Variants in ARFGEF3 observed in about 807,000 individuals in gnomAD.
ARFGEF3 encodes the protein brefeldin A-inhibited guanine nucleotide-exchange protein 3.
A neutral mutation model predicts 221.7 loss-of-function variants in ARFGEF3; 96 were observed. That is an observed-to-expected ratio of 0.43 (90% CI 0.37 to 0.51). The LOEUF is 0.51. Among genes scored for constraint, ARFGEF3 ranks in the 20% least tolerant of loss-of-function variants. ARFGEF3 has a pLI of 0.00. For missense variants in ARFGEF3, 2,410 were observed against 2,789.9 expected, an observed-to-expected ratio of 0.86 and a Z score of 3.07; for synonymous variants, 1,145 against 1,126.8, an observed-to-expected ratio of 1.02 and a Z score of -0.32.
chr6:138,197,766 CT>C (rs1216836461), intron 2 of ARFGEF3, among the ~76,000 whole-genome samples: 4 of 152,176 alleles, frequency 2.6e-5, no homozygotes, highest in Non-Finnish European at 4.4e-5. Flanking sequence ...AGCACGGTGA[CT>C]GGCATGCTGG....
At chr6:138,279,826 G>A (rs1240719235) in intron 13 of ARFGEF3, among the ~76,000 whole-genome samples, 173 bp from the exon 14 acceptor site, 1 of 152,172 alleles carries the variant, frequency 6.6e-6, no homozygotes, top group Non-Finnish European at 1.5e-5. Context: ...GGAAACCTCA[G>A]CACATTTGGG....
intron 2 of ARFGEF3, among the ~76,000 whole-genome samples, chr6:138,191,093 A>G (rs1777295523): frequency 6.6e-6 from 1 of 152,222 alleles, no homozygotes; most frequent in African/African-American, 2.4e-5. Flanking sequence ...TAACTCACTG[A>G]GAAAGTTCCT....
chr6:138,237,247 T>G (rs2114545296), intron 5 of ARFGEF3, among the ~76,000 whole-genome samples: 1 of 152,276 alleles, frequency 6.6e-6, no homozygotes, highest in Admixed American at 6.5e-5. Context: ...ATCATCAAAT[T>G]AAATTTGCCA....
At position 138,191,320 on chromosome 6, in the gene ARFGEF3, A is replaced by T. The variant is rs62432805; in HGVS notation, c.138-15722A>T. Among the ~76,000 whole-genome samples the T allele has an allele frequency of 9.7e-3, 1,471 of 152,294 alleles. 7 individuals carry two copies. The highest frequency in any genetic ancestry group is 0.015 in the Non-Finnish European group (1,013 of 68,022). On this transcript the variant is annotated intron_variant, in intron 2 of 33. Coordinates refer to ENST00000251691, the MANE Select transcript of ARFGEF3 (RefSeq NM_020340.5). ...TAATTACATATCACATAGCGTGTTA[A>T]TGATCAAATTAAATGAGATAATGTA...
At chr6:138,244,008 T>C (rs1583029127) in intron 7 of ARFGEF3, among the ~76,000 whole-genome samples, 1 of 152,172 alleles carries the variant, frequency 6.6e-6, no homozygotes, top group Admixed American at 6.5e-5. Context: ...CACTTTAATG[T>C]AGGATGATTT....
rs376504156 is a variant in ARFGEF3, at chr6:138,280,183, G to A, written c.2461+19G>A. ...CTGACCGGTCAGTGGTTCGTTGCAA[G>A]GCCTTGGGGCACGTGGTAGGGTGGG... On this transcript the variant is annotated intron_variant, in intron 14 of 33. Transcript: ENST00000251691. 8 of 1,611,672 alleles carry A rather than the reference G, an allele frequency of 5.0e-6. No homozygotes were observed. The Admixed American group carries it at 6.7e-5, about 13-fold the overall frequency.
chr6:138,219,139 G>A (rs1777932059), intron 4 of ARFGEF3, among the ~76,000 whole-genome samples: 1 of 152,178 alleles, frequency 6.6e-6, no homozygotes, highest in Admixed American at 6.5e-5. Flanking sequence ...GGCACATTCA[G>A]GAGGAAGAAG....
At chr6:138,264,296 G>A (rs2096060449) in intron 12 of ARFGEF3, among the ~76,000 whole-genome samples, 1 of 152,156 alleles carries the variant, frequency 6.6e-6, no homozygotes, top group Admixed American at 6.5e-5. Context: ...GGAAGTAGTA[G>A]CATTTCACAT....
intron 4 of ARFGEF3, among the ~76,000 whole-genome samples, chr6:138,222,484 C>A (rs72986857): frequency 8.3e-4 from 126 of 152,190 alleles, no homozygotes; most frequent in Admixed American, 1.4e-3. Context: ...TTTAGCAATT[C>A]CTGGAGGCAT....
At chr6:138,257,717 C>T (rs1442476701) in intron 10 of ARFGEF3, among the ~76,000 whole-genome samples, 1 of 152,130 alleles carries the variant, frequency 6.6e-6, no homozygotes, top group East Asian at 1.9e-4. Flanking sequence ...GGAACAGCTG[C>T]CCATTTCAGG....
At chr6:138,285,102 A>G (rs971636438) in intron 14 of ARFGEF3, among the ~76,000 whole-genome samples, 4 of 152,190 alleles carry the variant, frequency 2.6e-5, no homozygotes, top group Non-Finnish European at 5.9e-5. Context: ...ATACTGACCT[A>G]CTTACCTAAT....
At chr6:138,289,014 C>T (rs533633444) in intron 17 of ARFGEF3, among the ~76,000 whole-genome samples, 9 of 152,304 alleles carry the variant, frequency 5.9e-5, no homozygotes, top group African/African-American at 9.6e-5. Context: ...AGAGCAATGG[C>T]ACCATCTCGG....
At position 138,280,126 on chromosome 6, in the gene ARFGEF3, C is replaced by T. The variant is rs1161849962; in HGVS notation, c.2423C>T (p.Pro808Leu). 1 of 1,613,676 alleles carries T rather than the reference C, an allele frequency of 6.2e-7. No individual in the cohort carries two copies. The highest frequency in any genetic ancestry group is 1.7e-5 in the Admixed American group (1 of 59,990). Residue 808 changes from proline to leucine, a missense_variant, in exon 14 of 34, where the codon CCA becomes CTA. By Grantham distance (98) the Pro-to-Leu change is moderately conservative. Coordinates refer to ENST00000251691, the MANE Select transcript of ARFGEF3 (RefSeq NM_020340.5). ...MLGEAGYWGS[P>L]EDNSLPLITM... ...GGAGAGGCTGGCTATTGGGGCAGCC[C>T]AGAAGATAACAGCCTTCCCCTCATC...
In ARFGEF3 at chr6:138,336,584, A is replaced by G. The variant is rs980551178; in HGVS notation, c.*98A>G. ...TTTCCCCACCACTAGCCCCACTTAA[A>G]CTACTACTACTGTCTCAGAGAACAG... On this transcript the variant is annotated 3_prime_UTR_variant, in exon 34 of 34. Transcript: ENST00000251691. 1.0e-4 allele frequency: 96 copies of G among 927,370 alleles called. No homozygotes were observed. Among genetic ancestry groups the G allele is most frequent in the Non-Finnish European group, 2.6e-5 (16 of 626,146 alleles). The allele number at this position is 927,370 out of a possible 1,614,324, so 57.4% of individuals were successfully genotyped here. A position where few individuals can be genotyped will look rare whatever the true frequency, so the allele number is the denominator to read the frequency against.
At chr6:138,196,836 T>G (rs1268156057) in intron 2 of ARFGEF3, among the ~76,000 whole-genome samples, 4 of 152,172 alleles carry the variant, frequency 2.6e-5, no homozygotes, top group African/African-American at 9.7e-5. Context: ...TTCTTTTTAT[T>G]TATTTATTTA....
chr6:138,330,538 C>A (rs184082820), intron 32 of ARFGEF3, among the ~76,000 whole-genome samples: 44 of 152,266 alleles, frequency 2.9e-4, no homozygotes, highest in Non-Finnish European at 4.9e-4. Context: ...GGCGTGCTGG[C>A]TCATGCCTGT....
At chr6:138,214,156 A>T (rs1407368469) in intron 4 of ARFGEF3, among the ~76,000 whole-genome samples, 1 of 152,196 alleles carries the variant, frequency 6.6e-6, no homozygotes, top group Non-Finnish European at 1.5e-5. Context: ...AAGCCTCTTA[A>T]ATAAGTCCTT....
chr6:138,273,605 A>G (rs1425207737), intron 12 of ARFGEF3, among the ~76,000 whole-genome samples: 1 of 152,232 alleles, frequency 6.6e-6, no homozygotes, highest in Non-Finnish European at 1.5e-5. Context: ...TTTTCATGAC[A>G]TTCGAAGCAA....
At chr6:138,241,709 G>A (rs1778395827) in intron 6 of ARFGEF3, among the ~76,000 whole-genome samples, 1 of 152,200 alleles carries the variant, frequency 6.6e-6, no homozygotes, top group South Asian at 2.1e-4. Context: ...GTTAAATGCA[G>A]TGGAAAGAAA....
Sources: gnomAD v4.1 joint callset for allele counts (sites outside exome capture counted in the v4.1 genomes callset) on GRCh38, gnomAD v4.1.1 for gene constraint, MANE v1.5 for transcripts, NCBI Gene and HGNC (gene_info 2026-07-23, HGNC 2026-07-21) for gene names.